The following UGT1A5 variants were observed in gnomAD, a reference collection of about 807,000 sequenced individuals.
UGT1A5 encodes UDP-glucuronosyltransferase 1A5.
UGT1A5 carries 29 observed loss-of-function variants against 40.3 expected under a neutral mutation model. The observed-to-expected ratio is 0.72, with a 90% CI of 0.54 to 0.98. The LOEUF is 0.98. Among genes scored for constraint, UGT1A5 ranks in the 50% least tolerant of loss-of-function variants. The pLI is 0.00. For synonymous variants in UGT1A5, 257 were observed against 262.5 expected, an observed-to-expected ratio of 0.98 and a Z score of 0.20; for missense variants, 678 against 677.9, an observed-to-expected ratio of 1.00 and a Z score of 0.00.
rs76915905 is a variant in UGT1A5, at chr2:233,721,524, C to T, written c.867+7666C>T. The T allele has an allele frequency of 8.1e-3, 1,365 of 167,890 alleles. 11 individuals carry two copies. The highest frequency in any genetic ancestry group is 0.011 in the Non-Finnish European group (835 of 78,422). 10.4% of individuals were successfully genotyped at this position (167,890 alleles called of 1,614,324 possible). A position where few individuals can be genotyped will look rare whatever the true frequency, so the allele number is the denominator to read the frequency against. ...GCATTTATTTTATGCTGAATTTCTT[C>T]CAGAGCCATAGGTAAATTTTTTCTT... On this transcript the variant is annotated intron_variant, in intron 1 of 4. Coordinates refer to ENST00000373414, the MANE Select transcript of UGT1A5 (RefSeq NM_019078.2).
chr2:233,764,219 C>T (rs759767670), intron 1 of UGT1A5, among the ~76,000 whole-genome samples: 2 of 152,130 alleles, frequency 1.3e-5, no homozygotes, highest in Non-Finnish European at 2.9e-5. Context: ...TGAAGGGAAT[C>T]AATGGTGGGG....
At chr2:233,761,742 A>T (rs1697852650) in intron 1 of UGT1A5, among the ~76,000 whole-genome samples, 2 of 152,204 alleles carry the variant, frequency 1.3e-5, no homozygotes, top group South Asian at 4.1e-4. Flanking sequence ...TCCCCTACAG[A>T]GTTTGAAGTA....
chr2:233,767,835 T>C lies in UGT1A5; in HGVS notation c.1000-14T>C. Reference sequence around the variant, plus strand: ...TGTTCTTTCTTTACGTTCTGCTCTTTTTGCCCCTCCCAGGTCCTGTGGCGG... The same window carrying C: ...TGTTCTTTCTTTACGTTCTGCTCTTCTTGCCCCTCCCAGGTCCTGTGGCGG... On this transcript the variant is annotated splice_polypyrimidine_tract_variant and intron_variant, in intron 2 of 4. Coordinates refer to ENST00000373414, the MANE Select transcript of UGT1A5 (RefSeq NM_019078.2). 1.9e-6 allele frequency: 3 copies of C among 1,614,192 alleles called. No homozygotes were observed. Among genetic ancestry groups the C allele is most frequent in the Non-Finnish European group, 2.5e-6 (3 of 1,180,034 alleles).
intron 1 of UGT1A5, among the ~76,000 whole-genome samples, chr2:233,762,064 C>A (rs574389899): frequency 1.3e-5 from 2 of 152,174 alleles, no homozygotes; most frequent in South Asian, 4.2e-4. Flanking sequence ...CATAGCACAT[C>A]AAATATGGCA....
At chr2:233,766,319 A>G (rs1575819132) in intron 1 of UGT1A5, among the ~76,000 whole-genome samples, 1 of 151,982 alleles carries the variant, frequency 6.6e-6, no homozygotes, top group African/African-American at 2.4e-5. Flanking sequence ...GCCTCAGCCA[A>G]ACTCCGCGTT....
At chr2:233,729,314 C>T (rs771299324) in intron 1 of UGT1A5, 4 of 1,614,130 alleles carry the variant, frequency 2.5e-6, no homozygotes, top group East Asian at 4.5e-5. Flanking sequence ...GTCCTCACCC[C>T]AGAGGTGAAT....
chr2:233,756,808 C>T (rs1575745774), intron 1 of UGT1A5, among the ~76,000 whole-genome samples: 1 of 152,078 alleles, frequency 6.6e-6, no homozygotes, highest in Non-Finnish European at 1.5e-5. Context: ...TAGTAAAGGT[C>T]ACTCAATTCC....
chr2:233,716,115 A>G (rs2076487299), intron 1 of UGT1A5, among the ~76,000 whole-genome samples: 1 of 152,126 alleles, frequency 6.6e-6, no homozygotes, highest in Non-Finnish European at 1.5e-5. Flanking sequence ...TAGTTTTTCC[A>G]TCTTAGTTTT....
At chr2:233,768,171 T>C (rs761240010) in intron 3 of UGT1A5, 49 bp from the exon 4 acceptor site, 11 of 1,613,794 alleles carry the variant, frequency 6.8e-6, no homozygotes, top group South Asian at 1.1e-5. Flanking sequence ...TGTCCAGCTG[T>C]GAAACTCAGA....
Position 233,767,033 on chromosome 2 carries a change from G to A in UGT1A5, c.868-1G>A, listed in dbSNP as rs1285708223. The stretch of plus-strand genomic sequence containing the variant: ...ACTGAAAATTTTTCTTCTGGCTCTA[G>A]GAATTTGAAGCCTACATTAATGCTT... On this transcript the variant is annotated splice_acceptor_variant, in intron 1 of 4. Coordinates refer to ENST00000373414, the MANE Select transcript of UGT1A5 (RefSeq NM_019078.2). LOFTEE classifies it high-confidence loss of function. 3 of 1,614,026 alleles carry A rather than the reference G, an allele frequency of 1.9e-6. No individual in the cohort carries two copies. The highest frequency in any genetic ancestry group is 2.5e-6 in the Non-Finnish European group (3 of 1,180,004).
chr2:233,747,735 A>C, intron 1 of UGT1A5: 1 of 1,613,360 alleles, frequency 6.2e-7, no homozygotes, highest in Non-Finnish European at 8.5e-7. Flanking sequence ...TTTTTTGAGG[A>C]ACATTCCATG....
chr2:233,724,305 C>G (rs2077214649), intron 1 of UGT1A5, among the ~76,000 whole-genome samples: 3 of 147,406 alleles, frequency 2.0e-5, no homozygotes, highest in Admixed American at 6.7e-5. Context: ...CCCCACCTCC[C>G]TCCCGGACGG....
chr2:233,768,319 G>A lies in UGT1A5; in HGVS notation c.1187G>A (p.Gly396Asp), dbSNP rs367897068. The A allele has an allele frequency of 6.2e-7, 1 of 1,614,162 alleles. No homozygotes were observed. Among genetic ancestry groups the A allele is most frequent in the Non-Finnish European group, 8.5e-7 (1 of 1,180,044 alleles). The change falls in exon 4 of 5, where the codon GGT (glycine) becomes GAT (aspartate). Residue 396 changes from glycine (G) to aspartate (D), a missense_variant. Gly to Asp is a moderately conservative substitution (Grantham distance 94). Transcript: ENST00000373414. ...CCCATGGTGATGATGCCCTTGTTTG[G>A]TGATCAGATGGACAATGCAAAGCGC... ...GVPMVMMPLF[G>D]DQMDNAKRME...
At chr2:233,728,368 C>T (rs1168371708) in intron 1 of UGT1A5, among the ~76,000 whole-genome samples, 7 of 152,282 alleles carry the variant, frequency 4.6e-5, no homozygotes, top group African/African-American at 1.2e-4. Context: ...CTGAACCCAC[C>T]ATGGGTCTTT....
In UGT1A5 at chr2:233,719,639, G is replaced by A. The variant is rs771839689; in HGVS notation, c.867+5781G>A. The A allele has an allele frequency of 2.5e-6, 4 of 1,614,048 alleles. No individual in the cohort carries two copies. In the Admixed American group the frequency reaches 6.7e-5, roughly 27 times the overall value. ...ACCCCAGGCCGATCATGCCCAACAT[G>A]GTCTTCATTGGGGGCATCAACTGTG... On this transcript the variant is annotated intron_variant, in intron 1 of 4. Coordinates refer to ENST00000373414, the MANE Select transcript of UGT1A5 (RefSeq NM_019078.2).
chr2:233,748,342 C>T lies in UGT1A5; in HGVS notation c.868-18692C>T, dbSNP rs117379305. ...ACTGATGTGACTCATGGAGACTGTT[C>T]GTTTGTAAAGGCACCATCTTCATGG... On this transcript the variant is annotated intron_variant, in intron 1 of 4. Transcript: ENST00000373414. 1.9e-3 allele frequency among the ~76,000 whole-genome samples: 287 copies of T among 151,736 alleles called. 5 individuals carry two copies. The East Asian group carries it at 0.054, about 29-fold the overall frequency.
intron 1 of UGT1A5, chr2:233,747,121 A>G (rs1359670371): frequency 1.4e-6 from 2 of 1,477,058 alleles, no homozygotes; most frequent in African/African-American, 2.8e-5. Flanking sequence ...TGATTTGCTA[A>G]GTGGCTCAGT....
intron 1 of UGT1A5, chr2:233,755,063 G>A (rs776771090): frequency 2.2e-6 from 3 of 1,334,780 alleles, no homozygotes; most frequent in South Asian, 1.1e-5. Flanking sequence ...CCCTCGCCTC[G>A]CCATAGCGGT....
At chr2:233,728,474 GATC>G (rs1486985053) in intron 1 of UGT1A5, among the ~76,000 whole-genome samples, 1 of 152,138 alleles carries the variant, frequency 6.6e-6, no homozygotes, top group Non-Finnish European at 1.5e-5. Flanking sequence ...CCAAGAATCT[GATC>G]ATCACATCTT....
Sources: allele counts gnomAD v4.1 joint callset (sites outside exome capture counted in the v4.1 genomes callset), GRCh38; gene constraint gnomAD v4.1.1; transcripts MANE v1.5; gene names NCBI Gene and HGNC (gene_info 2026-07-23, HGNC 2026-07-21).